Variants in ANKRD12 observed in about 807,000 individuals in gnomAD.
The protein encoded by ANKRD12 is ankyrin repeat domain-containing protein 12.
ANKRD12 carries 85 observed loss-of-function variants against 183.4 expected under a neutral mutation model. That is an observed-to-expected ratio of 0.46 (90% CI 0.39 to 0.56). The LOEUF (loss-of-function observed/expected upper bound fraction) is 0.56, where lower values mean the gene tolerates loss of function less well. ANKRD12 is among the 20% of genes least tolerant of loss of function. ANKRD12 has a pLI of 0.00. For synonymous variants in ANKRD12, 914 were observed against 800.2 expected (o/e 1.14, Z -2.40); for missense variants, 2,405 against 2,357.1 (o/e 1.02, Z -0.42).
At chr18:9,186,473 T>TA (rs1284386780) in intron 2 of ANKRD12, among the ~76,000 whole-genome samples, 2 of 152,222 alleles carry the variant, frequency 1.3e-5, no homozygotes, top group African/African-American at 2.4e-5. Context: ...GAAGCTCATC[T>TA]AAGGCAACAT....
intron 1 of ANKRD12, among the ~76,000 whole-genome samples, chr18:9,160,464 A>T (rs1174638398): frequency 1.3e-5 from 2 of 152,192 alleles, no homozygotes; most frequent in Non-Finnish European, 2.9e-5. Flanking sequence ...ATTCACAGTG[A>T]TGTGCAGCTA....
intron 8 of ANKRD12, among the ~76,000 whole-genome samples, chr18:9,229,147 T>C (rs2036893998): frequency 6.6e-6 from 1 of 152,194 alleles, no homozygotes; most frequent in South Asian, 2.1e-4. Context: ...TTCTGGGTTC[T>C]CTGTTCTGTT....
At chr18:9,264,942 A>G (rs1159137343) in intron 10 of ANKRD12, among the ~76,000 whole-genome samples, 2 of 152,102 alleles carry the variant, frequency 1.3e-5, no homozygotes, top group Non-Finnish European at 2.9e-5. Context: ...TGATTTCTGC[A>G]TTTCCCACTG....
chr18:9,157,550 G>GGTGTGTATGTGTATGTGT (rs1555707774), intron 1 of ANKRD12, among the ~76,000 whole-genome samples: 3 of 114,596 alleles, frequency 2.6e-5, no homozygotes, highest in African/African-American at 1.2e-4. Context: ...GGTGTGTGTG[G>GGTGTGTATGTGTATGTGT]GTGTGTGTGT....
intron 8 of ANKRD12, among the ~76,000 whole-genome samples, chr18:9,230,299 G>A (rs1303327975): frequency 6.6e-6 from 1 of 151,870 alleles, no homozygotes; most frequent in Non-Finnish European, 1.5e-5. Flanking sequence ...GGTGATTTTC[G>A]GTATTTCTGT....
At chr18:9,228,848 G>A (rs1236071657) in intron 8 of ANKRD12, among the ~76,000 whole-genome samples, 1 of 150,448 alleles carries the variant, frequency 6.6e-6, no homozygotes, top group Non-Finnish European at 1.5e-5. Flanking sequence ...TGTTTCCTGT[G>A]CATTTGAGGT....
chr18:9,241,388 C>T (rs17413793), intron 8 of ANKRD12, among the ~76,000 whole-genome samples: 80,802 of 151,862 alleles, frequency 0.53, 23,612 homozygotes, highest in South Asian at 0.75. Context: ...TAGTAGCTTC[C>T]AGTGTATTTA....
chr18:9,160,606 ACT>A (rs2031271874), intron 1 of ANKRD12, among the ~76,000 whole-genome samples: 1 of 152,036 alleles, frequency 6.6e-6, no homozygotes, highest in African/African-American at 2.4e-5. Flanking sequence ...TTTTTTTATC[ACT>A]CTACTCAGAT....
rs1488799488 is a variant in ANKRD12, at chr18:9,195,494, A to G, written c.88-57A>G. On this transcript the variant is annotated intron_variant, in intron 2 of 12. Transcript: ENST00000262126. ...TTTGAAATTTTCCTTAGGGGTTTCT[A>G]TACTGTATTGCTTAGCTAATATTGA... is the stretch of plus-strand genomic sequence containing the variant. The G allele has an allele frequency of 3.7e-6, 5 of 1,350,434 alleles. No individual in the cohort carries two copies. In the East Asian group the frequency reaches 7.7e-5, roughly 21 times the overall value. The allele number at this position is 1,350,434 out of a possible 1,614,324, so 83.7% of individuals were successfully genotyped here. A position where few individuals can be genotyped will look rare whatever the true frequency, so the allele number is the denominator to read the frequency against.
chr18:9,164,758 GTT>G (rs1243809621), intron 1 of ANKRD12, among the ~76,000 whole-genome samples: 1 of 152,140 alleles, frequency 6.6e-6, no homozygotes, highest in African/African-American at 2.4e-5. Flanking sequence ...TTCTAAGAGA[GTT>G]TGTTGTAATT....
chr18:9,256,156 A>C lies in ANKRD12; in HGVS notation c.2889A>C (p.Lys963Asn), dbSNP rs755579887. 1 of 1,559,498 alleles carries C rather than the reference A, an allele frequency of 6.4e-7. No homozygotes were observed. The highest frequency in any genetic ancestry group is 8.6e-7 in the Non-Finnish European group (1 of 1,163,298). ...EKDRELDKKEKSRDKESINIT... is the reference protein window; with the variant it reads ...EKDRELDKKENSRDKESINIT... ...ACAGGGAGCTAGATAAAAAGGAAAA[A>C]TCTAGAGATAAAGAAAGTATAAATA... Residue 963 changes from lysine to asparagine, a missense_variant, in exon 9 of 13, where the codon AAA (lysine) becomes AAC (asparagine). Around this residue, in one of 7 missense-constraint regions of ANKRD12, gnomAD observed 1,983 missense variants for 1,725.9 expected, o/e 1.15. Coordinates refer to ENST00000262126, the MANE Select transcript of ANKRD12 (RefSeq NM_015208.5).
intron 1 of ANKRD12, among the ~76,000 whole-genome samples, chr18:9,150,383 A>AAGT (rs1462111225): frequency 6.6e-6 from 1 of 152,150 alleles, no homozygotes; most frequent in Non-Finnish European, 1.5e-5. Flanking sequence ...AGAGGAAACC[A>AAGT]AGTAGAAATG....
intron 2 of ANKRD12, among the ~76,000 whole-genome samples, chr18:9,186,236 A>G (rs1481339093): frequency 6.6e-6 from 1 of 151,808 alleles, no homozygotes; most frequent in Non-Finnish European, 1.5e-5. Flanking sequence ...GTGTAGCAAC[A>G]ATAGCAAAAA....
intron 8 of ANKRD12, among the ~76,000 whole-genome samples, chr18:9,241,162 C>T (rs2037637331): frequency 6.6e-6 from 1 of 151,956 alleles, no homozygotes; most frequent in Admixed American, 6.6e-5. Context: ...ATTTTTTTAA[C>T]CTAGAAGCAT....
chr18:9,222,105 T>C, intron 8 of ANKRD12, 106 bp downstream of exon 8: 1 of 1,365,540 alleles, frequency 7.3e-7, no homozygotes, highest in Non-Finnish European at 1.0e-6. Context: ...TTTAGAATAA[T>C]GCTGGCTAGC....
intron 4 of ANKRD12, among the ~76,000 whole-genome samples, chr18:9,208,268 A>G (rs112440173): frequency 5.3e-5 from 8 of 152,340 alleles, no homozygotes; most frequent in African/African-American, 1.9e-4. Context: ...GAGCATTGCT[A>G]TATAGGCTTA....
At position 9,255,888 on chromosome 18, in the gene ANKRD12, A is replaced by G. The variant is rs1333976679; in HGVS notation, c.2621A>G (p.Tyr874Cys). 5 of 1,596,268 alleles carry G rather than the reference A, an allele frequency of 3.1e-6. No homozygotes were observed. The highest frequency in any genetic ancestry group is 3.6e-5 in the Admixed American group (2 of 55,628). ...VDKIKEKDKLYSHHTEKCHKE... is the reference protein window; with the variant it reads ...VDKIKEKDKLCSHHTEKCHKE... ...AAAATAAAAGAAAAGGACAAGCTAT[A>G]TTCGCATCACACAGAAAAATGCCAT... Residue 874 changes from tyrosine (Y) to cysteine (C), a missense_variant, in exon 9 of 13, where the codon TAT (tyrosine) becomes TGT (cysteine). Transcript: ENST00000262126.
chr18:9,190,220 A>G (rs2034366127), intron 2 of ANKRD12, among the ~76,000 whole-genome samples: 1 of 152,202 alleles, frequency 6.6e-6, no homozygotes, highest in Admixed American at 6.5e-5. Context: ...GAGAATGAGA[A>G]TCAAGTGGAG....
At chr18:9,245,229 T>G (rs899747132) in intron 8 of ANKRD12, among the ~76,000 whole-genome samples, 3 of 151,456 alleles carry the variant, frequency 2.0e-5, no homozygotes, top group African/African-American at 7.3e-5. Flanking sequence ...GCAGGCAGAT[T>G]ACTTGAGCCC....
Sources: gnomAD v4.1 joint callset for allele counts (sites outside exome capture counted in the v4.1 genomes callset) on GRCh38, gnomAD v4.1.1 for gene constraint, gnomAD v4.1.1 regional missense constraint, MANE v1.5 for transcripts, NCBI Gene and HGNC (gene_info 2026-07-23, HGNC 2026-07-21) for gene names.